LRRC49: variants seen among roughly 807,000 people sequenced by gnomAD.
LRRC49 encodes the protein leucine-rich repeat-containing protein 49.
LRRC49 carries 50 observed loss-of-function variants against 83.3 expected under a neutral mutation model. The ratio of observed to expected loss-of-function variants is 0.60; its 90% confidence interval spans 0.48 to 0.76. LRRC49 has a LOEUF of 0.76. Among genes scored for constraint, LRRC49 ranks in the 30% least tolerant of loss-of-function variants. The pLI, the probability that LRRC49 is intolerant of heterozygous loss-of-function variation, is 0.00. For synonymous variants in LRRC49, 286 were observed against 283.3 expected (o/e 1.01, Z -0.10); for missense variants, 704 against 809.1 (o/e 0.87, Z 1.58).
At position 71,025,753 on chromosome 15, in the gene LRRC49, C is replaced by T. The variant is rs2141282637; in HGVS notation, c.1704-11426C>T. On this transcript the variant is annotated intron_variant, in intron 14 of 15. Coordinates refer to ENST00000260382, the MANE Select transcript of LRRC49 (RefSeq NM_017691.5). ...CAATCCTAGTTTCTGACAAAACGGA[C>T]TTTAAACCAACACAGATCAAAAAAG... 1.4e-5 allele frequency among the ~76,000 whole-genome samples: 2 copies of T among 148,062 alleles called. 1 individual carries two copies. The highest frequency in any genetic ancestry group is 3.9e-4 in the East Asian group (2 of 5,126).
At chr15:70,896,420 C>A (rs1418498424) in intron 3 of LRRC49, among the ~76,000 whole-genome samples, 1 of 152,062 alleles carries the variant, frequency 6.6e-6, no homozygotes, top group East Asian at 1.9e-4. Flanking sequence ...TCTTAGTGCT[C>A]CCCCTCCATC....
At chr15:70,984,536 C>G (rs1487684319) in intron 11 of LRRC49, 1 of 216,354 alleles carries the variant, frequency 4.6e-6, no homozygotes, top group East Asian at 1.0e-4. Context: ...TCTTTTATCT[C>G]ATGCCATCAA....
Position 70,944,356 on chromosome 15 carries a change from C to A in LRRC49, c.773+7534C>A, listed in dbSNP as rs563372186. Among the ~76,000 whole-genome samples the A allele has an allele frequency of 2.0e-5, 3 of 152,234 alleles. No individual in the cohort carries two copies. In the South Asian group the frequency reaches 6.2e-4, roughly 32 times the overall value. ...AACAAATGGCTCCACATTTTTGATACCCTTTGAAATGTAAACACATAGTTC... is the reference window on the plus strand; with the variant it reads ...AACAAATGGCTCCACATTTTTGATAACCTTTGAAATGTAAACACATAGTTC... On this transcript the variant is annotated intron_variant, in intron 8 of 15. Coordinates refer to ENST00000260382, the MANE Select transcript of LRRC49 (RefSeq NM_017691.5).
chr15:70,870,861 C>A (rs915130585), intron 1 of LRRC49, among the ~76,000 whole-genome samples: 1 of 151,884 alleles, frequency 6.6e-6, no homozygotes, highest in East Asian at 1.9e-4. Flanking sequence ...CAAATTGTAA[C>A]TAAAAAATGA....
chr15:70,921,566 T>C (rs2035007236), intron 7 of LRRC49, among the ~76,000 whole-genome samples: 2 of 152,194 alleles, frequency 1.3e-5, no homozygotes, highest in Non-Finnish European at 2.9e-5. Flanking sequence ...TGCCTGCTCA[T>C]TGTATGCACT....
chr15:70,894,754 G>A (rs2033757469), intron 2 of LRRC49: 1 of 430,088 alleles, frequency 2.3e-6, no homozygotes, highest in Non-Finnish European at 3.7e-6. Flanking sequence ...GCATGAAGAA[G>A]GGTAAGAAAA....
chr15:70,918,056 G>C (rs1057136274), intron 6 of LRRC49, among the ~76,000 whole-genome samples: 1 of 152,234 alleles, frequency 6.6e-6, no homozygotes, highest in Non-Finnish European at 1.5e-5. Context: ...TGTGTTCTCA[G>C]TGCCAGCTGT....
intron 8 of LRRC49, among the ~76,000 whole-genome samples, chr15:70,955,659 T>A (rs138770770): frequency 2.9e-4 from 44 of 152,304 alleles, no homozygotes; most frequent in Non-Finnish European, 4.0e-4. Context: ...AGCATAAAGG[T>A]CAGTTTCTAC....
At chr15:71,004,348 T>C (rs945882227) in intron 11 of LRRC49, among the ~76,000 whole-genome samples, 1 of 152,122 alleles carries the variant, frequency 6.6e-6, no homozygotes, top group Non-Finnish European at 1.5e-5. Flanking sequence ...CTATTCACAA[T>C]AGCAAAGATG....
At chr15:70,859,425 A>G (rs1389929663) in intron 1 of LRRC49, 4 of 738,554 alleles carry the variant, frequency 5.4e-6, no homozygotes, top group Non-Finnish European at 1.0e-5. Flanking sequence ...CTGCAGTCCC[A>G]CATCTCGGAC....
intron 2 of LRRC49, among the ~76,000 whole-genome samples, chr15:70,884,384 T>A (rs561096461): frequency 9.9e-5 from 15 of 151,974 alleles, no homozygotes; most frequent in Admixed American, 6.6e-4. Context: ...ATACAAAAAT[T>A]AGCTGGCATG....
At chr15:70,862,792 T>C (rs952771035) in intron 1 of LRRC49, among the ~76,000 whole-genome samples, 1 of 152,108 alleles carries the variant, frequency 6.6e-6, no homozygotes, top group African/African-American at 2.4e-5. Flanking sequence ...TAGTGGTTCA[T>C]CTGATCTCCA....
At chr15:71,029,206 G>C (rs761671143) in intron 14 of LRRC49, among the ~76,000 whole-genome samples, 2 of 151,952 alleles carry the variant, frequency 1.3e-5, no homozygotes, top group African/African-American at 2.4e-5. Flanking sequence ...ATTATTTACC[G>C]AGTAGTCATT....
chr15:70,973,841 G>A (rs1453793436), intron 9 of LRRC49, among the ~76,000 whole-genome samples: 2 of 152,144 alleles, frequency 1.3e-5, no homozygotes, highest in Non-Finnish European at 2.9e-5. Context: ...TTAAAAGATG[G>A]TTTGTGGCCC....
chr15:71,025,456 C>G (rs1326731031), intron 14 of LRRC49, among the ~76,000 whole-genome samples: 1 of 152,116 alleles, frequency 6.6e-6, no homozygotes, highest in African/African-American at 2.4e-5. Flanking sequence ...GCAACTACAT[C>G]AACAAGTCTG....
chr15:70,968,227 A>G (rs1039200003), intron 9 of LRRC49, among the ~76,000 whole-genome samples: 1 of 152,062 alleles, frequency 6.6e-6, no homozygotes, highest in African/African-American at 2.4e-5. Flanking sequence ...ATGAATGAGA[A>G]CATGCAGTGC....
At chr15:71,027,866 A>G (rs1051138175) in intron 14 of LRRC49, among the ~76,000 whole-genome samples, 6 of 152,138 alleles carry the variant, frequency 3.9e-5, no homozygotes, top group African/African-American at 1.4e-4. Context: ...GGGTTTTCTA[A>G]ATATACAGTC....
chr15:70,870,145 A>G (rs4777322), intron 1 of LRRC49, among the ~76,000 whole-genome samples: 83,034 of 152,098 alleles, frequency 0.55, 23,460 homozygotes, highest in Admixed American at 0.69. Flanking sequence ...TTTCTGTACT[A>G]AGCTAAGAGG....
intron 2 of LRRC49, among the ~76,000 whole-genome samples, chr15:70,875,110 G>C (rs925088815): frequency 6.6e-6 from 1 of 152,208 alleles, no homozygotes; most frequent in Non-Finnish European, 1.5e-5. Flanking sequence ...TAACTTCTCT[G>C]ATCTTCAGTT....
Sources: allele counts gnomAD v4.1 joint callset (sites outside exome capture counted in the v4.1 genomes callset), GRCh38; gene constraint gnomAD v4.1.1; transcripts MANE v1.5; gene names NCBI Gene and HGNC (gene_info 2026-07-23, HGNC 2026-07-21).